DNAH9: variants seen among roughly 807,000 people sequenced by gnomAD.
DNAH9 encodes dynein axonemal heavy chain 9.
Under a neutral mutation model 471.6 loss-of-function variants are expected in DNAH9, and 345 were observed. That is an observed-to-expected ratio of 0.73 (90% CI 0.67 to 0.80). The LOEUF is 0.80. DNAH9 is among the 30% of genes least tolerant of loss of function. The pLI is 0.00. For synonymous variants in DNAH9, 2,093 were observed against 2,123.6 expected, an observed-to-expected ratio of 0.99 and a Z score of 0.40; for missense variants, 5,407 against 5,609.2, an observed-to-expected ratio of 0.96 and a Z score of 1.15.
At chr17:11,787,206 T>C (rs1020040036) in intron 41 of DNAH9, among the ~76,000 whole-genome samples, 1 of 152,022 alleles carries the variant, frequency 6.6e-6, no homozygotes, top group African/African-American at 2.4e-5. Flanking sequence ...AAAGTGAAAG[T>C]GATGTACAGA....
intron 57 of DNAH9, among the ~76,000 whole-genome samples, chr17:11,889,585 C>G (rs111810474): frequency 9.2e-5 from 14 of 152,204 alleles, no homozygotes; most frequent in Non-Finnish European, 1.9e-4. Flanking sequence ...GAGTTTGATA[C>G]CCTTGGTCTA....
chr17:11,649,050 C>G (rs1251688070), intron 12 of DNAH9, among the ~76,000 whole-genome samples: 1 of 151,660 alleles, frequency 6.6e-6, no homozygotes, highest in Admixed American at 6.6e-5. Flanking sequence ...TTGCTTGAAC[C>G]TAGGAGGCAG....
At position 11,962,030 on chromosome 17, in the gene DNAH9, G is replaced by A; in HGVS notation, c.13007G>A (p.Gly4336Asp). The change falls in exon 68 of 69, where the codon GGT becomes GAT. Residue 4336 changes from glycine to aspartate, a missense_variant. Physicochemically the swap from Gly to Asp is moderately conservative, Grantham distance 94. Around this residue, in one of 3 missense-constraint regions of DNAH9, gnomAD observed 4,636 missense variants for 4,900.3 expected, o/e 0.95. Coordinates refer to ENST00000262442, the MANE Select transcript of DNAH9 (RefSeq NM_001372.4). This position sits in a 1 kb window ranked among gnomAD's most constrained non-coding sequence, Gnocchi z 4.1. ...NRIKELEAWT[G>D]DFTMPSTVWL... ...ATCAAGGAGCTAGAGGCTTGGACGGGTGACTTTACAATGCCCTCCACTGTG... is the reference window on the plus strand; with the variant it reads ...ATCAAGGAGCTAGAGGCTTGGACGGATGACTTTACAATGCCCTCCACTGTG... 2.5e-6 allele frequency: 4 copies of A among 1,614,172 alleles called. No homozygotes were observed. Among genetic ancestry groups the A allele is most frequent in the Non-Finnish European group, 3.4e-6 (4 of 1,180,042 alleles).
Position 11,942,407 on chromosome 17 carries a change from C to T in DNAH9, c.12765C>T (p.Ala4255=). 4 of 1,614,204 alleles carry T rather than the reference C, an allele frequency of 2.5e-6. No homozygotes were observed. The highest frequency in any genetic ancestry group is 1.7e-5 in the Admixed American group (1 of 60,024). Residue 4255 remains alanine (A), a synonymous_variant, in exon 67 of 69, where the codon GCC becomes GCT. Coordinates refer to ENST00000262442, the MANE Select transcript of DNAH9 (RefSeq NM_001372.4). ...AGCGCACCCCTTACATTGTAGTTGCCTTCCAGGAGTGTGGCCGGATGAATA... is the reference window on the plus strand; with the variant it reads ...AGCGCACCCCTTACATTGTAGTTGCTTTCCAGGAGTGTGGCCGGATGAATA... ...VEERTPYIVV[A]FQECGRMNIL... is the part of the protein sequence containing the mutation.
Position 11,807,826 on chromosome 17 carries a change from G to T in DNAH9, c.8515G>T (p.Ala2839Ser), listed in dbSNP as rs144799994. Residue 2839 changes from alanine to serine, a missense_variant, in exon 44 of 69, where the codon GCT becomes TCT. By Grantham distance (99) the Ala-to-Ser change is moderately conservative. This residue lies in a region of DNAH9 where 4,636 missense variants were observed against 4,900.3 expected (regional missense o/e 0.95). Transcript: ENST00000262442. ...CAAGCAGAGCCTGACAAGGCTGGCA[G>T]CTTTCATCAGCTCCATGGATGTCTT... is the stretch of plus-strand genomic sequence containing the variant. ...SGKQSLTRLA[A>S]FISSMDVFQI... The T allele has an allele frequency of 1.2e-6, 2 of 1,613,986 alleles. No individual in the cohort carries two copies. Among genetic ancestry groups the T allele is most frequent in the African/African-American group, 2.7e-5 (2 of 74,932 alleles).
intron 19 of DNAH9, among the ~76,000 whole-genome samples, chr17:11,684,008 T>C (rs929366236): frequency 2.0e-5 from 3 of 152,256 alleles, no homozygotes; most frequent in African/African-American, 7.2e-5. Context: ...ATGTGTGGCA[T>C]GTGAGTTTAA....
intron 48 of DNAH9, among the ~76,000 whole-genome samples, chr17:11,826,286 A>G (rs1000201551): frequency 6.6e-6 from 1 of 152,072 alleles, no homozygotes; most frequent in African/African-American, 2.4e-5. Context: ...ACCACCACCA[A>G]TGACCTTCTT....
At chr17:11,956,809 T>A (rs1975662605) in intron 67 of DNAH9, among the ~76,000 whole-genome samples, 1 of 151,828 alleles carries the variant, frequency 6.6e-6, no homozygotes. Context: ...TAGCATGAGA[T>A]GCGAATATCA....
chr17:11,923,680 A>G, intron 61 of DNAH9, 134 bp from the exon 62 acceptor site: 3 of 1,051,104 alleles, frequency 2.9e-6, no homozygotes, highest in Non-Finnish European at 4.1e-6. Flanking sequence ...AAGGGTCAGT[A>G]TATGAGGTTT....
chr17:11,682,792 T>C (rs1345117764), intron 19 of DNAH9, among the ~76,000 whole-genome samples: 1 of 152,154 alleles, frequency 6.6e-6, no homozygotes, highest in African/African-American at 2.4e-5. Flanking sequence ...GCAGCCAAGT[T>C]TGGAAACCAC....
intron 50 of DNAH9, among the ~76,000 whole-genome samples, chr17:11,857,280 A>C (rs1971660016): frequency 6.6e-6 from 1 of 152,184 alleles, no homozygotes; most frequent in African/African-American, 2.4e-5. Context: ...TTTGGAAGGC[A>C]CTTCTTTTCT....
At chr17:11,694,865 C>T (rs1261706207) in intron 22 of DNAH9, among the ~76,000 whole-genome samples, 44 of 314 alleles carry the variant, frequency 0.14, 15 homozygotes, top group African/African-American at 0.18. Flanking sequence ...TCCTTCCTTC[C>T]TTCCTTCTTT....
chr17:11,661,825 A>G (rs911260910), intron 14 of DNAH9, among the ~76,000 whole-genome samples: 7 of 152,136 alleles, frequency 4.6e-5, no homozygotes, highest in African/African-American at 1.7e-4. Context: ...CCCACAATGC[A>G]GTGTTATAGT....
chr17:11,735,671 G>C (rs902427361), intron 28 of DNAH9, among the ~76,000 whole-genome samples: 1 of 152,110 alleles, frequency 6.6e-6, no homozygotes, highest in Non-Finnish European at 1.5e-5. Context: ...TCCTGACCTC[G>C]TGATCCGCCC....
chr17:11,734,812 G>C (rs921594588), intron 28 of DNAH9, among the ~76,000 whole-genome samples: 1 of 152,216 alleles, frequency 6.6e-6, no homozygotes, highest in Non-Finnish European at 1.5e-5. Flanking sequence ...ATGCTCCGAA[G>C]TTATCTACAT....
At chr17:11,604,706 C>G (rs1034789488) in intron 1 of DNAH9, among the ~76,000 whole-genome samples, 4 of 150,948 alleles carry the variant, frequency 2.6e-5, no homozygotes, top group Non-Finnish European at 5.9e-5. Flanking sequence ...CTTTTTTTTT[C>G]TCTTGCGACT....
At chr17:11,917,377 G>T (rs1285359575) in intron 61 of DNAH9, among the ~76,000 whole-genome samples, 1 of 151,960 alleles carries the variant, frequency 6.6e-6, no homozygotes, top group East Asian at 1.9e-4. Flanking sequence ...GGCTGGTCTG[G>T]GACTCCTGAC....
intron 49 of DNAH9, among the ~76,000 whole-genome samples, chr17:11,850,131 G>A (rs1365650637): frequency 6.6e-6 from 1 of 152,190 alleles, no homozygotes; most frequent in Non-Finnish European, 1.5e-5. Context: ...ATGTGGAGTA[G>A]AGTAGGAGAA....
Position 11,651,211 on chromosome 17 carries a change from A to T in DNAH9, c.2240A>T (p.Asn747Ile). 6.2e-7 allele frequency: 1 copy of T among 1,614,116 alleles called. No individual in the cohort carries two copies. ...TTAGAGTTGATGGCAAATTGGTACA[A>T]CAAGGTTATGAAAACTCTGCTGGAG... ...ANLELMANWY[N>I]KVMKTLLEVE... Residue 747 changes from asparagine to isoleucine, a missense_variant, in exon 13 of 69, where the codon AAC becomes ATC. Asn to Ile is a moderately radical substitution (Grantham distance 149, BLOSUM62 -3). Transcript: ENST00000262442.
Sources: allele counts gnomAD v4.1 joint callset (sites outside exome capture counted in the v4.1 genomes callset), GRCh38; gene constraint gnomAD v4.1.1; regional missense constraint gnomAD v4.1.1; non-coding constraint Gnocchi (gnomAD v3.1); transcripts MANE v1.5; gene names NCBI Gene and HGNC (gene_info 2026-07-23, HGNC 2026-07-21).